The following PIK3C2G variants were observed in gnomAD, a reference collection of about 807,000 sequenced individuals.
The protein encoded by PIK3C2G is phosphatidylinositol-4-phosphate 3-kinase catalytic subunit type 2 gamma, also known as phosphatidylinositol 3-kinase C2 domain-containing subunit gamma.
Under a neutral mutation model 181.1 loss-of-function variants are expected in PIK3C2G, and 168 were observed. The ratio of observed to expected loss-of-function variants is 0.93; its 90% CI spans 0.82 to 1.05. The LOEUF is 1.05. Ranked by LOEUF, PIK3C2G falls within the 50% of genes least tolerant of loss-of-function variation. The pLI, the probability that PIK3C2G is intolerant of heterozygous loss-of-function variation, is 0.00. For synonymous variants in PIK3C2G, 573 were observed against 592.2 expected (o/e 0.97, Z 0.47); for missense variants, 1,869 against 1,732.8 (o/e 1.08, Z -1.40).
At chr12:18,332,194 G>T (rs1302755572) in intron 8 of PIK3C2G, among the ~76,000 whole-genome samples, 1 of 152,052 alleles carries the variant, frequency 6.6e-6, no homozygotes, top group Admixed American at 6.6e-5. Flanking sequence ...TGGAGCCTGT[G>T]GTACCATGAC....
chr12:18,514,904 A>G (rs1186890882), intron 24 of PIK3C2G, among the ~76,000 whole-genome samples: 1 of 151,734 alleles, frequency 6.6e-6, no homozygotes, highest in African/African-American at 2.4e-5. Context: ...CTTTATAATG[A>G]GTATTTTCCT....
intron 20 of PIK3C2G, chr12:18,492,991 G>C (rs1023971717): frequency 6.6e-6 from 1 of 152,194 alleles, no homozygotes. Flanking sequence ...GGCACCTATG[G>C]GTACAACAAT....
chr12:18,507,935 T>C (rs1481610859), intron 24 of PIK3C2G, among the ~76,000 whole-genome samples: 3 of 152,224 alleles, frequency 2.0e-5, no homozygotes, highest in Non-Finnish European at 4.4e-5. Context: ...CTGCTACTTC[T>C]AGAGTTTGGC....
rs111264060 is a variant in PIK3C2G, at chr12:18,357,953, A to G, written c.1626-4811A>G. 9.2e-5 allele frequency among the ~76,000 whole-genome samples: 14 copies of G among 152,336 alleles called. 1 individual carries two copies. Among genetic ancestry groups the G allele is most frequent in the African/African-American group, 3.1e-4 (13 of 41,580 alleles). ...TTCTTCCTTGTCAAGGTTGAATAAT[A>G]TATCATTGTATGTATATACCATGTT... On this transcript the variant is annotated intron_variant, in intron 11 of 32. Transcript: ENST00000538779.
intron 16 of PIK3C2G, among the ~76,000 whole-genome samples, chr12:18,415,929 C>G (rs1945148746): frequency 6.6e-6 from 1 of 152,134 alleles, no homozygotes; most frequent in Non-Finnish European, 1.5e-5. Context: ...AAGTTTGAAG[C>G]TAGCAGAGTT....
At chr12:18,379,994 T>A (rs1400027869) in intron 13 of PIK3C2G, among the ~76,000 whole-genome samples, 2 of 152,180 alleles carry the variant, frequency 1.3e-5, no homozygotes, top group African/African-American at 2.4e-5. Context: ...TGCCTGTTAA[T>A]CACATGACGC....
At chr12:18,569,372 G>T (rs758376436) in intron 29 of PIK3C2G, among the ~76,000 whole-genome samples, 6 of 152,138 alleles carry the variant, frequency 3.9e-5, no homozygotes, top group Admixed American at 6.5e-5. Flanking sequence ...AGAACACCCA[G>T]CTGAGCCCTC....
chr12:18,491,531 C>G lies in PIK3C2G; in HGVS notation c.2766C>G (p.Ala922=). Residue 922 remains alanine (A), a synonymous_variant, in exon 20 of 33, where the codon GCC becomes GCG. Coordinates refer to ENST00000538779, the MANE Select transcript of PIK3C2G (RefSeq NM_001288772.2). ...VNTCHLPLNP[A]LCIKGIDHDA... ...CTTGTCATCTTCCTCTGAACCCTGC[C>G]CTATGTATAAAAGGGATTGATCACG... The G allele has an allele frequency of 6.2e-7, 1 of 1,600,060 alleles. No homozygotes were observed. Among genetic ancestry groups the G allele is most frequent in the Non-Finnish European group, 8.6e-7 (1 of 1,167,850 alleles).
At position 18,591,156 on chromosome 12, in the gene PIK3C2G, T is replaced by C. The variant is rs76170153; in HGVS notation, c.4012-3338T>C. Among the ~76,000 whole-genome samples, 1,513 of 152,058 alleles carry C rather than the reference T, an allele frequency of 1.0e-2. 12 individuals are homozygous for C. The highest frequency in any genetic ancestry group is 0.022 in the African/African-American group (905 of 41,530). On this transcript the variant is annotated intron_variant, in intron 29 of 32. Coordinates refer to ENST00000538779, the MANE Select transcript of PIK3C2G (RefSeq NM_001288772.2). Reference sequence around the variant, plus strand: ...ATCTCCTTGAATATGAGTCCATTTCTTAAAAGTAGACTTCTATTAAACAAG... The same window carrying C: ...ATCTCCTTGAATATGAGTCCATTTCCTAAAAGTAGACTTCTATTAAACAAG...
At chr12:18,425,297 A>AGGAATT (rs1482872215) in intron 18 of PIK3C2G, among the ~76,000 whole-genome samples, 1 of 151,676 alleles carries the variant, frequency 6.6e-6, no homozygotes, top group Non-Finnish European at 1.5e-5. Context: ...ACATTACATT[A>AGGAATT]GGAATTGGAT....
chr12:18,375,382 G>T (rs886550525), intron 13 of PIK3C2G, among the ~76,000 whole-genome samples: 1 of 152,204 alleles, frequency 6.6e-6, no homozygotes, highest in African/African-American at 2.4e-5. Context: ...TAAGAATGAT[G>T]ACTTAGAGTA....
chr12:18,686,474 G>C, the PIK3C2G span, among the ~76,000 whole-genome samples: 1 of 151,826 alleles, frequency 6.6e-6, no homozygotes, highest in Non-Finnish European at 1.5e-5. Flanking sequence ...CTTTTCTCTA[G>C]CATGTTTAAA....
intron 31 of PIK3C2G, among the ~76,000 whole-genome samples, chr12:18,637,391 G>A (rs1377844141): frequency 3.4e-5 from 4 of 117,724 alleles, no homozygotes; most frequent in African/African-American, 1.3e-4. Flanking sequence ...TTGTTCACTT[G>A]ACCTAGATAT....
At chr12:18,361,686 C>T (rs772035170) in intron 11 of PIK3C2G, among the ~76,000 whole-genome samples, 2 of 152,096 alleles carry the variant, frequency 1.3e-5, no homozygotes, top group African/African-American at 4.8e-5. Flanking sequence ...TGTTTTCTTG[C>T]TTTTTCTGGT....
chr12:18,503,236 T>G (rs746696793), intron 22 of PIK3C2G, 45 bp from the exon 23 acceptor site: 18 of 1,460,230 alleles, frequency 1.2e-5, no homozygotes, highest in Non-Finnish European at 1.7e-5. Context: ...CTCCCTCATC[T>G]TGTGATGAAG....
chr12:18,361,478 C>T (rs749336224), intron 11 of PIK3C2G, among the ~76,000 whole-genome samples: 1 of 151,642 alleles, frequency 6.6e-6, no homozygotes, highest in Non-Finnish European at 1.5e-5. Flanking sequence ...GAGATATGTG[C>T]ATTTGCAAAA....
At chr12:18,684,192 C>A in the PIK3C2G span, 3 of 1,612,228 alleles carry the variant, frequency 1.9e-6, no homozygotes, top group East Asian at 4.5e-5. Flanking sequence ...TGCTATTAAA[C>A]CTTGACCTTC....
At chr12:18,334,115 T>G (rs1412826081) in intron 8 of PIK3C2G, among the ~76,000 whole-genome samples, 2 of 152,196 alleles carry the variant, frequency 1.3e-5, no homozygotes, top group Non-Finnish European at 2.9e-5. Flanking sequence ...ATCATAGTGC[T>G]GTTTTCAGTT....
chr12:18,299,757 C>T (rs12369537), intron 5 of PIK3C2G, among the ~76,000 whole-genome samples: 12,268 of 151,926 alleles, frequency 0.081, 537 homozygotes, highest in Non-Finnish European at 0.094. Context: ...TGTTTAGTTT[C>T]ATCAGATACT....
Sources: allele counts gnomAD v4.1 joint callset (sites outside exome capture counted in the v4.1 genomes callset), GRCh38; gene constraint gnomAD v4.1.1; transcripts MANE v1.5; gene names NCBI Gene and HGNC (gene_info 2026-07-23, HGNC 2026-07-21).